CHSY3: variants seen among roughly 807,000 people sequenced by gnomAD.
CHSY3 encodes the protein N-acetylgalactosaminyl-proteoglycan 3-beta-glucuronosyltransferase 3.
Under a neutral mutation model 67.2 loss-of-function variants are expected in CHSY3, and 35 were observed. The observed-to-expected ratio is 0.52, with a 90% CI of 0.40 to 0.69. The LOEUF is 0.69. Ranked by LOEUF, CHSY3 falls within the 30% of genes least tolerant of loss-of-function variation. CHSY3 has a pLI of 0.00. For synonymous variants in CHSY3, 474 were observed against 434.7 expected (o/e 1.09, Z -1.12); for missense variants, 1,069 against 1,138.5 (o/e 0.94, Z 0.88).
chr5:130,180,738 C>T (rs769862736), intron 2 of CHSY3, among the ~76,000 whole-genome samples: 103 of 152,144 alleles, frequency 6.8e-4, no homozygotes, highest in Admixed American at 4.0e-3. Context: ...CCTATAAGTC[C>T]TAGCTACTCA....
chr5:130,123,346 A>T (rs1303257718), intron 2 of CHSY3, among the ~76,000 whole-genome samples: 1 of 152,174 alleles, frequency 6.6e-6, no homozygotes, highest in Non-Finnish European at 1.5e-5. Context: ...ACCAGGGCCC[A>T]GTTTTATAGA....
chr5:129,957,708 T>C (rs1762217910), intron 2 of CHSY3, among the ~76,000 whole-genome samples: 1 of 152,174 alleles, frequency 6.6e-6, no homozygotes, highest in African/African-American at 2.4e-5. Flanking sequence ...AAATCATTAC[T>C]TCCTTGCCTC....
intron 2 of CHSY3, among the ~76,000 whole-genome samples, chr5:129,945,690 G>A (rs1333500476): frequency 1.3e-5 from 2 of 152,092 alleles, no homozygotes; most frequent in East Asian, 3.9e-4. Flanking sequence ...GGTAAAAATT[G>A]AGGATTTCTC....
chr5:129,924,538 C>T (rs548240172), intron 2 of CHSY3, among the ~76,000 whole-genome samples: 5 of 150,930 alleles, frequency 3.3e-5, no homozygotes, highest in Non-Finnish European at 7.4e-5. Flanking sequence ...CCCAGCTGCT[C>T]GGGAGGCTGA....
chr5:129,947,831 G>A (rs919703289), intron 2 of CHSY3, among the ~76,000 whole-genome samples: 1 of 152,118 alleles, frequency 6.6e-6, no homozygotes, highest in Admixed American at 6.5e-5. Context: ...GTGAAATCTT[G>A]TGGTTTTGAT....
At chr5:129,914,608 C>T (rs1397088660) in intron 2 of CHSY3, among the ~76,000 whole-genome samples, 5 of 152,238 alleles carry the variant, frequency 3.3e-5, no homozygotes, top group Admixed American at 3.3e-4. Context: ...CTCACACCTA[C>T]TCTTCCCACT....
intron 2 of CHSY3, among the ~76,000 whole-genome samples, chr5:130,166,287 A>G (rs912914395): frequency 6.6e-6 from 1 of 152,164 alleles, no homozygotes; most frequent in Non-Finnish European, 1.5e-5. Context: ...TGCAGACTTG[A>G]AACCCAAATT....
intron 2 of CHSY3, among the ~76,000 whole-genome samples, chr5:129,942,510 A>G (rs1348539077): frequency 6.6e-6 from 1 of 152,198 alleles, no homozygotes; most frequent in Non-Finnish European, 1.5e-5. Context: ...CCCAAAGGAA[A>G]TAGTACAGAT....
rs551669137 is a variant in CHSY3 at position 129,950,800 on chromosome 5, A to G, written c.1086+42440A>G. ...AAGGCATCCTGTGTTTGTAGAATAA[A>G]TAACACAGTCAATATGTCTATACTA... On this transcript the variant is annotated intron_variant, in intron 2 of 2. Coordinates refer to ENST00000305031, the MANE Select transcript of CHSY3 (RefSeq NM_175856.5). Among the ~76,000 whole-genome samples the G allele has an allele frequency of 1.1e-4, 16 of 152,318 alleles. No homozygotes were observed. The East Asian group carries it at 2.9e-3, about 28-fold the overall frequency.
At chr5:130,130,995 T>C (rs1357804608) in intron 2 of CHSY3, among the ~76,000 whole-genome samples, 1 of 152,158 alleles carries the variant, frequency 6.6e-6, no homozygotes, top group Non-Finnish European at 1.5e-5. Flanking sequence ...TTGCTTTTCA[T>C]CTCTATTCCT....
intron 2 of CHSY3, among the ~76,000 whole-genome samples, chr5:129,971,499 A>T (rs1250716171): frequency 2.0e-5 from 3 of 151,934 alleles, no homozygotes; most frequent in Non-Finnish European, 2.9e-5. Context: ...AGTACATTTT[A>T]TTAGCAGGTG....
At chr5:130,104,210 C>T (rs1260934786) in intron 2 of CHSY3, among the ~76,000 whole-genome samples, 1 of 151,712 alleles carries the variant, frequency 6.6e-6, no homozygotes, top group African/African-American at 2.4e-5. Context: ...ATTGATTATT[C>T]ACAATAAAAA....
At chr5:130,138,084 A>G (rs1196053652) in intron 2 of CHSY3, among the ~76,000 whole-genome samples, 1 of 152,226 alleles carries the variant, frequency 6.6e-6, no homozygotes, top group Admixed American at 6.5e-5. Flanking sequence ...AATACAAAAA[A>G]AAAATTCAAG....
intron 2 of CHSY3, among the ~76,000 whole-genome samples, chr5:129,932,777 T>C (rs1443328703): frequency 6.6e-6 from 1 of 152,064 alleles, no homozygotes; most frequent in Non-Finnish European, 1.5e-5. Context: ...TAAAGGCATA[T>C]TGAGAATTTC....
intron 2 of CHSY3, among the ~76,000 whole-genome samples, chr5:129,928,443 T>A (rs535385183): frequency 6.6e-6 from 1 of 152,138 alleles, no homozygotes; most frequent in African/African-American, 2.4e-5. Context: ...TTGTTTCTTT[T>A]GGATGCTATA....
At chr5:130,125,712 T>C (rs1768258911) in intron 2 of CHSY3, among the ~76,000 whole-genome samples, 1 of 152,220 alleles carries the variant, frequency 6.6e-6, no homozygotes, top group Non-Finnish European at 1.5e-5. Flanking sequence ...GAAACAGGTT[T>C]GTTTGCCTGT....
At chr5:130,002,243 A>G (rs989251102) in intron 2 of CHSY3, 1 of 162,984 alleles carries the variant, frequency 6.1e-6, no homozygotes, top group Non-Finnish European at 1.3e-5. Flanking sequence ...TGCATAGCCC[A>G]GGATCAAAAA....
chr5:130,041,687 C>T (rs1204970313), intron 2 of CHSY3, among the ~76,000 whole-genome samples: 4 of 151,900 alleles, frequency 2.6e-5, no homozygotes, highest in Admixed American at 1.3e-4. Flanking sequence ...ATGTTCAGGT[C>T]ATTAAATTTT....
intron 2 of CHSY3, among the ~76,000 whole-genome samples, chr5:129,958,020 T>C (rs1762227450): frequency 6.6e-6 from 1 of 152,130 alleles, no homozygotes; most frequent in Non-Finnish European, 1.5e-5. Context: ...CCTGGCTGAT[T>C]CCGCTTTATG....
Sources: gnomAD v4.1 joint callset for allele counts (sites outside exome capture counted in the v4.1 genomes callset) on GRCh38, gnomAD v4.1.1 for gene constraint, MANE v1.5 for transcripts, NCBI Gene and HGNC (gene_info 2026-07-23, HGNC 2026-07-21) for gene names.